Variants in CSMD1 observed in about 807,000 individuals in gnomAD.
CSMD1 encodes the protein CUB and sushi domain-containing protein 1.
In CSMD1, 213 loss-of-function variants were observed where a neutral mutation model predicts 417.5. The ratio of observed to expected loss-of-function variants is 0.51; its 90% CI spans 0.46 to 0.57. CSMD1 has a LOEUF of 0.57. CSMD1 is among the 20% of genes least tolerant of loss of function. The probability of loss-of-function intolerance (pLI) is 0.00; values close to 1 mark genes in which losing one functional copy is unlikely to be tolerated. For missense variants in CSMD1, 6,923 were observed against 4,529.7 expected (o/e 1.53, Z -15.17); for synonymous variants, 2,862 against 1,736.8 (o/e 1.65, Z -16.11).
chr8:4,677,109 T>G (rs959933842), intron 1 of CSMD1, among the ~76,000 whole-genome samples: 6 of 147,316 alleles, frequency 4.1e-5, no homozygotes, highest in African/African-American at 1.5e-4. Flanking sequence ...ATCTATCATA[T>G]ATACATATAT....
chr8:3,453,370 C>T (rs185957751), intron 12 of CSMD1, among the ~76,000 whole-genome samples: 1 of 152,084 alleles, frequency 6.6e-6, no homozygotes, highest in African/African-American at 2.4e-5. Context: ...AATGTGTTTG[C>T]TCTTGCTTCT....
Position 4,101,021 on chromosome 8 carries a change from A to C in CSMD1, c.416-68922T>G, listed in dbSNP as rs11984777. On this transcript the variant is annotated intron_variant, in intron 3 of 69. Transcript: ENST00000635120. ...AGTCCTAGAAATTCCCAATCCACGCAGCCTGTGATTGCAGAATGATGCAAA... is the reference window on the plus strand; with the variant it reads ...AGTCCTAGAAATTCCCAATCCACGCCGCCTGTGATTGCAGAATGATGCAAA... Among the ~76,000 whole-genome samples, 1,202 of 152,270 alleles carry C rather than the reference A, an allele frequency of 7.9e-3. 18 individuals carry two copies. Among genetic ancestry groups the C allele is most frequent in the African/African-American group, 0.027 (1,106 of 41,564 alleles).
At chr8:3,866,659 A>G (rs1019829073) in intron 5 of CSMD1, among the ~76,000 whole-genome samples, 1 of 129,128 alleles carries the variant, frequency 7.7e-6, no homozygotes, top group Non-Finnish European at 1.8e-5. Context: ...GGAAATAATA[A>G]GCTTATAAGA....
At chr8:4,590,587 A>C (rs758914560) in intron 2 of CSMD1, among the ~76,000 whole-genome samples, 1 of 152,102 alleles carries the variant, frequency 6.6e-6, no homozygotes, top group South Asian at 2.1e-4. Context: ...AATTAGAAAT[A>C]TACTATTTAA....
intron 10 of CSMD1, among the ~76,000 whole-genome samples, chr8:3,553,772 T>C (rs775993156): frequency 5.3e-5 from 8 of 151,420 alleles, no homozygotes; most frequent in African/African-American, 7.4e-5. Flanking sequence ...GAGATGTTTA[T>C]GTTTTATTAA....
intron 3 of CSMD1, among the ~76,000 whole-genome samples, chr8:4,094,943 G>A (rs1800922966): frequency 6.6e-6 from 1 of 152,158 alleles, no homozygotes; most frequent in Non-Finnish European, 1.5e-5. Context: ...TTTTGAACTG[G>A]GAATGGGGAG....
At chr8:4,274,148 C>G (rs150090112) in intron 3 of CSMD1, among the ~76,000 whole-genome samples, 2 of 152,072 alleles carry the variant, frequency 1.3e-5, no homozygotes, top group African/African-American at 4.8e-5. Context: ...CTCTAATACT[C>G]ACTAATGTAT....
Position 4,415,165 on chromosome 8 carries a change from GCTCC to G in CSMD1, c.415+4784_415+4787del, listed in dbSNP as rs1274565302. ...CCTTCAGATAGGGCAGAAAGGCTCAGCTCCAGGCTCTCTGAGCTCCAGAGAACCC... is the reference window on the plus strand; with the variant it reads ...CCTTCAGATAGGGCAGAAAGGCTCAGAGGCTCTCTGAGCTCCAGAGAACCC... On this transcript the variant is annotated intron_variant, in intron 3 of 69. Coordinates refer to ENST00000635120, the MANE Select transcript of CSMD1 (RefSeq NM_033225.6). Among the ~76,000 whole-genome samples the G allele has an allele frequency of 2.4e-4, 36 of 152,166 alleles. 2 individuals are homozygous for G. The South Asian group carries it at 6.9e-3, about 29-fold the overall frequency.
intron 1 of CSMD1, among the ~76,000 whole-genome samples, chr8:4,850,380 A>ATATATTTT (rs1403352847): frequency 1.2e-5 from 1 of 82,770 alleles, no homozygotes; most frequent in Non-Finnish European, 2.3e-5. Flanking sequence ...AATCCAATTT[A>ATATATTTT]TCTTTTTTTT....
intron 3 of CSMD1, among the ~76,000 whole-genome samples, chr8:4,036,279 C>T (rs2130605211): frequency 6.6e-6 from 1 of 152,266 alleles, no homozygotes; most frequent in East Asian, 1.9e-4. Context: ...TCTCAAGATG[C>T]TGTTGTTATG....
At chr8:4,572,566 A>C (rs1282872883) in intron 2 of CSMD1, among the ~76,000 whole-genome samples, 2 of 152,036 alleles carry the variant, frequency 1.3e-5, no homozygotes, top group African/African-American at 4.8e-5. Context: ...CCTGTGTTTC[A>C]ACCTTGGTGA....
intron 1 of CSMD1, among the ~76,000 whole-genome samples, chr8:4,736,302 G>A (rs766653019): frequency 1.8e-4 from 28 of 152,104 alleles, no homozygotes; most frequent in Non-Finnish European, 3.1e-4. Flanking sequence ...GTGTATCCAG[G>A]AAAATTTAGG....
chr8:3,444,991 C>T (rs1815211242), intron 12 of CSMD1, among the ~76,000 whole-genome samples: 2 of 152,182 alleles, frequency 1.3e-5, no homozygotes, highest in Admixed American at 1.3e-4. Context: ...CAAACTCGAA[C>T]CTGTCCAAGC....
At chr8:4,637,262 A>T (rs1802877843) in intron 2 of CSMD1, 80 bp downstream of exon 2, 2 of 1,269,132 alleles carry the variant, frequency 1.6e-6, no homozygotes, top group South Asian at 1.4e-5. Flanking sequence ...CACAATAATA[A>T]AATTTAAATA....
chr8:4,577,967 G>A (rs1056197835), intron 2 of CSMD1, among the ~76,000 whole-genome samples: 1 of 152,144 alleles, frequency 6.6e-6, no homozygotes, highest in South Asian at 2.1e-4. Context: ...ACATGGGTCT[G>A]GTTTCTATGT....
intron 3 of CSMD1, among the ~76,000 whole-genome samples, chr8:4,033,539 G>A (rs890673342): frequency 2.6e-5 from 4 of 152,148 alleles, no homozygotes; most frequent in Admixed American, 6.5e-5. Flanking sequence ...CCAAACCAAT[G>A]TATATCTGAA....
chr8:3,212,389 C>G (rs1032132566), intron 30 of CSMD1, among the ~76,000 whole-genome samples: 1 of 152,110 alleles, frequency 6.6e-6, no homozygotes, highest in African/African-American at 2.4e-5. Context: ...CGATCTGTTG[C>G]CCAGGCTATA....
At chr8:3,287,340 A>C (rs1803235858) in intron 25 of CSMD1, among the ~76,000 whole-genome samples, 1 of 152,108 alleles carries the variant, frequency 6.6e-6, no homozygotes, top group Non-Finnish European at 1.5e-5. Context: ...TCTGTGAAGA[A>C]AGTCATTGGT....
At chr8:3,429,521 C>T (rs1465904747) in intron 12 of CSMD1, among the ~76,000 whole-genome samples, 1 of 152,084 alleles carries the variant, frequency 6.6e-6, no homozygotes, top group Admixed American at 6.6e-5. Flanking sequence ...GGCATGAAGA[C>T]ACTTTGGGGG....
Sources: allele counts gnomAD v4.1 joint callset (sites outside exome capture counted in the v4.1 genomes callset), GRCh38; gene constraint gnomAD v4.1.1; transcripts MANE v1.5; gene names NCBI Gene and HGNC (gene_info 2026-07-23, HGNC 2026-07-21).